Variants in PRKX observed in about 807,000 individuals in gnomAD.
PRKX encodes protein kinase cAMP-dependent X-linked catalytic subunit.
A neutral mutation model predicts 22.0 loss-of-function variants in PRKX; 12 were observed. The observed-to-expected ratio is 0.54, with a 90% CI of 0.35 to 0.88. The LOEUF (loss-of-function observed/expected upper bound fraction) is 0.88, where lower values mean the gene tolerates loss of function less well. Among genes scored for constraint, PRKX ranks in the 40% least tolerant of loss-of-function variants. The probability of loss-of-function intolerance (pLI) is 0.01; values close to 1 mark genes in which losing one functional copy is unlikely to be tolerated. For missense variants in PRKX, 217 were observed against 308.0 expected (o/e 0.70, Z 2.21); for synonymous variants, 134 against 137.7 (o/e 0.97, Z 0.19).
intron 1 of PRKX, among the ~76,000 whole-genome samples, chrX:3,697,052 C>G (rs1194508706): frequency 9.2e-6 from 1 of 109,211 alleles, no homozygotes; most frequent in Non-Finnish European, 1.9e-5. Context: ...AACAGACAAA[C>G]AAACAAAAAG....
chrX:3,622,143 C>G (rs1337663361), intron 5 of PRKX, among the ~76,000 whole-genome samples: 2 of 103,178 alleles, frequency 1.9e-5, no homozygotes, highest in Non-Finnish European at 4.0e-5. Context: ...GAGTCAGTCT[C>G]AAAAAAAAAC....
intron 4 of PRKX, among the ~76,000 whole-genome samples, chrX:3,627,953 C>T (rs1926695854): frequency 9.0e-6 from 1 of 111,083 alleles, no homozygotes; most frequent in Non-Finnish European, 1.9e-5. Context: ...CCATGTTTAC[C>T]ACAGCACCAT....
chrX:3,680,130 C>CTGTTGTTGTTGTTGTTGT (rs34465309), intron 1 of PRKX, among the ~76,000 whole-genome samples: 16 of 107,880 alleles, frequency 1.5e-4, no homozygotes, highest in African/African-American at 5.5e-4. Context: ...ACATCCTGGC[C>CTGTTGTTGTTGTTGTTGT]TGTTGTTGTT....
At chrX:3,678,012 G>A (rs904831243) in intron 1 of PRKX, among the ~76,000 whole-genome samples, 30 of 111,981 alleles carry the variant, frequency 2.7e-4, no homozygotes, top group African/African-American at 9.4e-4. Flanking sequence ...GTGGAATCAG[G>A]TCAAAGACAG....
chrX:3,605,230 T>G lies in PRKX; in HGVS notation c.*3739A>C, dbSNP rs1486443033. ...ACTCCTCCAATGTGTGTAAAATGCA[T>G]GCTAGGTAGATTGAAGGAAAAACGA... On this transcript the variant is annotated 3_prime_UTR_variant, in exon 9 of 9. Transcript: ENST00000262848. 9.0e-6 allele frequency: 1 copy of G among 111,600 alleles called. No homozygotes were observed. The allele number at this position is 111,600 out of a possible 1,213,427, so 9.2% of individuals were successfully genotyped here. A position where few individuals can be genotyped will look rare whatever the true frequency, so the allele number is the denominator to read the frequency against.
intron 1 of PRKX, among the ~76,000 whole-genome samples, chrX:3,681,290 A>G (rs937340187): frequency 9.2e-6 from 1 of 108,925 alleles, no homozygotes; most frequent in African/African-American, 3.4e-5. Flanking sequence ...AGGCCGAAGC[A>G]GGAGGATTGC....
At chrX:3,695,797 T>C (rs1222535934) in intron 1 of PRKX, among the ~76,000 whole-genome samples, 1 of 111,649 alleles carries the variant, frequency 9.0e-6, no homozygotes, top group African/African-American at 3.3e-5. Flanking sequence ...GTTTCACTGA[T>C]AGCTAGATGC....
intron 6 of PRKX, among the ~76,000 whole-genome samples, chrX:3,618,416 G>A (rs1279633081): frequency 2.7e-5 from 3 of 111,005 alleles, no homozygotes; most frequent in Non-Finnish European, 5.7e-5. Context: ...TCAGGAGCTC[G>A]AGACCAGCCT....
At chrX:3,662,499 T>A (rs1316883397) in intron 2 of PRKX, among the ~76,000 whole-genome samples, 2 of 109,309 alleles carry the variant, frequency 1.8e-5, no homozygotes, top group African/African-American at 6.7e-5. Context: ...ATCGAGACCA[T>A]CCTGGCTAAC....
chrX:3,626,790 CTT>C (rs58984309), intron 4 of PRKX, among the ~76,000 whole-genome samples: 35,060 of 110,459 alleles, frequency 0.32, 4,241 homozygotes, highest in African/African-American at 0.39. Flanking sequence ...AAGGCAACTC[CTT>C]TTTGGGCATC....
chrX:3,671,686 C>T (rs1927849331), intron 2 of PRKX, among the ~76,000 whole-genome samples: 1 of 111,505 alleles, frequency 9.0e-6, no homozygotes. Flanking sequence ...AGAAATTTCA[C>T]TCCTTAAAAG....
In PRKX at chrX:3,664,168, C is replaced by T. The variant is rs772457722; in HGVS notation, c.336-8756G>A. Among the ~76,000 whole-genome samples the T allele has an allele frequency of 2.7e-5, 3 of 112,039 alleles. No individual in the cohort carries two copies. In the East Asian group the frequency reaches 8.5e-4, roughly 32 times the overall value. On this transcript the variant is annotated intron_variant, in intron 2 of 8. Coordinates refer to ENST00000262848, the MANE Select transcript of PRKX (RefSeq NM_005044.5). ...CCTGCTGCACGCACTGGAAGACCTC[C>T]TCCGCACCAGCAGCGCATCCATGGC...
chrX:3,637,445 A>G (rs1370699627), intron 4 of PRKX, among the ~76,000 whole-genome samples: 2 of 111,440 alleles, frequency 1.8e-5, no homozygotes, highest in Non-Finnish European at 3.8e-5. Flanking sequence ...GAGGGGATGC[A>G]GGAGACTGAG....
chrX:3,664,102 G>C (rs945657972), intron 2 of PRKX, among the ~76,000 whole-genome samples: 2 of 111,821 alleles, frequency 1.8e-5, no homozygotes, highest in African/African-American at 6.5e-5. Flanking sequence ...ACACTGCCTT[G>C]CACAGCTGAG....
chrX:3,680,219 C>T (rs1182928588), intron 1 of PRKX, among the ~76,000 whole-genome samples: 1 of 110,791 alleles, frequency 9.0e-6, no homozygotes, highest in South Asian at 3.9e-4. Context: ...TCTCAGTTCA[C>T]TGCAACCTCT....
chrX:3,709,158 T>C (rs1295354235), intron 1 of PRKX, among the ~76,000 whole-genome samples: 2 of 81,248 alleles, frequency 2.5e-5, no homozygotes, highest in East Asian at 8.2e-4. Flanking sequence ...CACTCCAGAC[T>C]GGGCAACAGA....
At chrX:3,680,100 G>C (rs7887381) in intron 1 of PRKX, among the ~76,000 whole-genome samples, 16,345 of 109,284 alleles carry the variant, frequency 0.15, 1,507 homozygotes, top group African/African-American at 0.34. Flanking sequence ...CAAGCCCTTG[G>C]GTCCAACTCA....
intron 2 of PRKX, among the ~76,000 whole-genome samples, chrX:3,660,891 G>A (rs913129799): frequency 5.5e-5 from 6 of 109,973 alleles, no homozygotes; most frequent in Non-Finnish European, 7.6e-5. Context: ...GGGAAGGGAC[G>A]AGGAGAGGAG....
chrX:3,649,113 A>AT (rs1927256662), intron 3 of PRKX, among the ~76,000 whole-genome samples: 1 of 111,658 alleles, frequency 9.0e-6, no homozygotes, highest in Non-Finnish European at 1.9e-5. Context: ...CAGCACCGAC[A>AT]TGAGGCTCAC....
Sources: allele counts gnomAD v4.1 joint callset (sites outside exome capture counted in the v4.1 genomes callset), GRCh38; gene constraint gnomAD v4.1.1; transcripts MANE v1.5; gene names NCBI Gene and HGNC (gene_info 2026-07-23, HGNC 2026-07-21).